Variants in LARGE1 observed in about 807,000 individuals in gnomAD.
LARGE1 encodes the protein LARGE xylosyl- and glucuronyltransferase 1, also known as xylosyl- and glucuronyltransferase LARGE1.
In LARGE1, 43 loss-of-function variants were observed where a neutral mutation model predicts 87.6. The ratio of observed to expected loss-of-function variants is 0.49; its 90% CI spans 0.38 to 0.63. The LOEUF is 0.63. Among genes scored for constraint, LARGE1 ranks in the 30% least tolerant of loss-of-function variants. The pLI is 0.00. For synonymous variants in LARGE1, 434 were observed against 394.6 expected (o/e 1.10, Z -1.18); for missense variants, 802 against 1,000.2 (o/e 0.80, Z 2.67).
chr22:33,283,288 G>T lies in LARGE1; in HGVS notation c.1791C>A (p.Phe597Leu), dbSNP rs369773678. The change falls in exon 13 of 15, where the codon TTC (phenylalanine) becomes TTA (leucine). Residue 597 changes from phenylalanine (F) to leucine (L), a missense_variant. Around this residue, in one of 2 missense-constraint regions of LARGE1, gnomAD observed 625 missense variants for 841.9 expected, o/e 0.74. Coordinates refer to ENST00000397394, the MANE Select transcript of LARGE1 (RefSeq NM_133642.5). ...AGGACAGCCGGTAGCGCAGTGTCTC[G>T]AACGCGGGGACAATCATTGCTTTCT... ...NTKKAMIVPA[F>L]ETLRYRLSFP... 1.4e-5 allele frequency: 22 copies of T among 1,614,040 alleles called. No individual in the cohort carries two copies. Among genetic ancestry groups the T allele is most frequent in the East Asian group, 2.2e-5 (1 of 44,894 alleles).
chr22:33,422,569 G>C (rs914335237), intron 7 of LARGE1, among the ~76,000 whole-genome samples: 6 of 151,418 alleles, frequency 4.0e-5, no homozygotes, highest in Non-Finnish European at 8.8e-5. Context: ...GAGTACAATG[G>C]CATGATCTCC....
chr22:33,227,169 T>C (rs982870166), intron 11 of LARGE1, among the ~76,000 whole-genome samples: 5 of 152,238 alleles, frequency 3.3e-5, no homozygotes, highest in African/African-American at 4.8e-5. Flanking sequence ...TCTATTTTTA[T>C]GCCCATTTGA....
intron 6 of LARGE1, among the ~76,000 whole-genome samples, chr22:33,434,815 T>C (rs1052882832): frequency 2.0e-5 from 3 of 152,136 alleles, no homozygotes; most frequent in Admixed American, 6.5e-5. Context: ...CTCATATAGC[T>C]CTCCCTTGGC....
intron 12 of LARGE1, among the ~76,000 whole-genome samples, chr22:33,293,742 G>C (rs1326699094): frequency 6.6e-6 from 1 of 152,194 alleles, no homozygotes; most frequent in Non-Finnish European, 1.5e-5. Flanking sequence ...AGAAAACAAA[G>C]AGTATTATGA....
chr22:33,869,191 T>G (rs890901798), intron 1 of LARGE1, among the ~76,000 whole-genome samples: 1 of 152,122 alleles, frequency 6.6e-6, no homozygotes. Flanking sequence ...CCACTTAAGA[T>G]TTCTACTGCA....
At chr22:33,614,273 A>C (rs963123463) in intron 4 of LARGE1, among the ~76,000 whole-genome samples, 1 of 152,186 alleles carries the variant, frequency 6.6e-6, no homozygotes, top group African/African-American at 2.4e-5. Flanking sequence ...GGAAGTGAGG[A>C]CTTAGTAAAT....
chr22:33,528,373 CAAATATACATATTCA>C (rs1602267479), intron 6 of LARGE1, among the ~76,000 whole-genome samples: 1 of 151,944 alleles, frequency 6.6e-6, no homozygotes, highest in East Asian at 1.9e-4. Context: ...TCAGGGTGAC[CAAATATACATATTCA>C]ATAAGCTATA....
At chr22:33,089,547 G>C in the LARGE1 span, among the ~76,000 whole-genome samples, 2 of 150,710 alleles carry the variant, frequency 1.3e-5, no homozygotes, top group Admixed American at 6.6e-5. Context: ...ACTCAGGCTG[G>C]AGTGTAGTGG....
At chr22:33,159,607 T>C (rs1279512608), downstream of LARGE1, among the ~76,000 whole-genome samples, 1 of 149,794 alleles carries the variant, frequency 6.7e-6, no homozygotes, top group Non-Finnish European at 1.5e-5. Context: ...TTTTTGGAGA[T>C]GGAGTCTTTC....
rs75941266 is a variant in LARGE1, at chr22:33,526,619, C to A, written c.787+38229G>T. Among the ~76,000 whole-genome samples, 708 of 152,368 alleles carry A rather than the reference C, an allele frequency of 4.6e-3. 7 individuals carry two copies. Among genetic ancestry groups the A allele is most frequent in the Admixed American group, 9.1e-3 (139 of 15,302 alleles). ...CACATGGCTCAGCAGAGAGCCTACG[C>A]TGGACAGGCGCTGGGAAGAGTTCAG... On this transcript the variant is annotated intron_variant, in intron 6 of 14. Transcript: ENST00000397394.
At chr22:33,337,909 C>A in intron 9 of LARGE1, 108 bp from the exon 10 acceptor site, 1 of 1,233,612 alleles carries the variant, frequency 8.1e-7, no homozygotes, top group Admixed American at 1.9e-5. Context: ...ATTTGAGGGT[C>A]TGCTCATTCG....
At chr22:33,726,143 A>G (rs62225403) in intron 2 of LARGE1, 7,332 of 151,072 alleles carry the variant, frequency 0.049, 284 homozygotes, top group East Asian at 0.21. Flanking sequence ...TGAGACATTA[A>G]CTTGCCCAAA....
intron 2 of LARGE1, among the ~76,000 whole-genome samples, chr22:33,699,090 A>G (rs2087624156): frequency 6.6e-6 from 1 of 152,216 alleles, no homozygotes; most frequent in Non-Finnish European, 1.5e-5. Context: ...ACCGATGTAA[A>G]TATGAACTGA....
At chr22:33,145,820 A>G in the LARGE1 span, among the ~76,000 whole-genome samples, 1,271 of 152,312 alleles carry the variant, frequency 8.3e-3, 18 homozygotes, top group African/African-American at 0.027. Context: ...CAAAATGAAT[A>G]TATTAGCAAT....
chr22:33,268,222 G>A (rs545342225), downstream of LARGE1, among the ~76,000 whole-genome samples: 2 of 151,416 alleles, frequency 1.3e-5, no homozygotes. Flanking sequence ...CCAAAGTGCT[G>A]GGATTACAGG....
At chr22:33,681,694 T>C (rs2081777345) in intron 2 of LARGE1, among the ~76,000 whole-genome samples, 2 of 152,164 alleles carry the variant, frequency 1.3e-5, no homozygotes, top group Admixed American at 1.3e-4. Context: ...TCTCCAAAAT[T>C]TCTCTTTATC....
At chr22:33,646,994 G>A (rs1187319610) in intron 3 of LARGE1, among the ~76,000 whole-genome samples, 1 of 152,230 alleles carries the variant, frequency 6.6e-6, no homozygotes, top group Non-Finnish European at 1.5e-5. Flanking sequence ...CTGCCAAAGT[G>A]CTGGGATTAT....
At chr22:33,913,129 GC>G (rs1367346897) in intron 1 of LARGE1, among the ~76,000 whole-genome samples, 1 of 152,170 alleles carries the variant, frequency 6.6e-6, no homozygotes, top group Non-Finnish European at 1.5e-5. Context: ...ACCAAGCCCG[GC>G]CTGATTTTGA....
At chr22:33,719,960 G>C (rs1000085758) in intron 2 of LARGE1, among the ~76,000 whole-genome samples, 1 of 152,200 alleles carries the variant, frequency 6.6e-6, no homozygotes, top group Non-Finnish European at 1.5e-5. Context: ...TATACCAGCA[G>C]TCCCCAGCCT....
Sources: allele counts gnomAD v4.1 joint callset (sites outside exome capture counted in the v4.1 genomes callset), GRCh38; gene constraint gnomAD v4.1.1; regional missense constraint gnomAD v4.1.1; transcripts MANE v1.5; gene names NCBI Gene and HGNC (gene_info 2026-07-23, HGNC 2026-07-21).